The following DNAH3 variants were observed in gnomAD, a reference collection of about 807,000 sequenced individuals.
DNAH3 encodes the protein dynein axonemal heavy chain 3.
Under a neutral mutation model 432.5 loss-of-function variants are expected in DNAH3, and 332 were observed. That is an observed-to-expected ratio of 0.77 (90% CI 0.70 to 0.84). The LOEUF is 0.84. Ranked by LOEUF, DNAH3 falls within the 40% of genes least tolerant of loss-of-function variation. The pLI, the probability that DNAH3 is intolerant of heterozygous loss-of-function variation, is 0.00. For missense variants in DNAH3, 4,861 were observed against 5,114.0 expected (o/e 0.95, Z 1.51); for synonymous variants, 1,956 against 1,900.2 (o/e 1.03, Z -0.76).
exon 53 of DNAH3, chr16:20,963,874 G>A (rs530510705): frequency 2.5e-5 from 41 of 1,614,084 alleles, no homozygotes; most frequent in African/African-American, 1.6e-4. Context: ...CTCGCTCTTC[G>A]TGCTGTGGGT....
Position 21,033,854 on chromosome 16 carries a change from T to C in DNAH3, c.5197+120A>G, listed in dbSNP as rs2089020297. 4.7e-6 allele frequency: 3 copies of C among 636,454 alleles called. No individual in the cohort carries two copies. In the South Asian group the frequency reaches 5.8e-5, roughly 12 times the overall value. 39.4% of individuals were successfully genotyped at this position (636,454 alleles called of 1,614,324 possible). ...AGACATCTGTGTGCCATGTTCTATT[T>C]CTAGCTCTGACGTCACGATCGAGGC... On this transcript the variant is annotated intron_variant, in intron 36 of 61. Transcript: ENST00000261383.
exon 13 of DNAH3, chr16:21,112,047 C>G (rs1490159559): frequency 2.5e-6 from 4 of 1,613,794 alleles, no homozygotes; most frequent in Non-Finnish European, 3.4e-6. Context: ...CGATGTTTTG[C>G]TCTGCCGTGT....
Position 21,125,095 on chromosome 16 carries a change from C to T in DNAH3, c.1404+80G>A, listed in dbSNP as rs1010704526. On this transcript the variant is annotated intron_variant, in intron 9 of 61. Transcript: ENST00000261383. The stretch of plus-strand genomic sequence containing the variant: ...TTGTGCCCTGGCTCACAGCTGAGGA[C>T]GTACATGACAGAGTCCTGGCTCTAA... The T allele has an allele frequency of 6.3e-5, 75 of 1,187,200 alleles. 3 individuals are homozygous for T. Among genetic ancestry groups the T allele is most frequent in the South Asian group, 1.8e-5 (1 of 54,168 alleles). 73.5% of individuals were successfully genotyped at this position (1,187,200 alleles called of 1,614,324 possible).
intron 9 of DNAH3, among the ~76,000 whole-genome samples, chr16:21,123,021 G>A (rs759995482): frequency 3.9e-5 from 6 of 151,922 alleles, no homozygotes; most frequent in Non-Finnish European, 7.4e-5. Context: ...TAAAGTTGAG[G>A]GCAGGATCTA....
At chr16:21,004,452 C>A (rs910358560) in intron 41 of DNAH3, among the ~76,000 whole-genome samples, 62 of 152,192 alleles carry the variant, frequency 4.1e-4, no homozygotes, top group African/African-American at 1.5e-3. Context: ...ACTGCAACCT[C>A]CGCCTCCCGA....
intron 44 of DNAH3, among the ~76,000 whole-genome samples, chr16:20,994,838 A>T (rs1318393427): frequency 6.6e-6 from 1 of 151,152 alleles, no homozygotes; most frequent in African/African-American, 2.4e-5. Flanking sequence ...ATGTTGTAAC[A>T]TGTCTTTTTT....
At chr16:21,157,863 CGAT>C (rs2092909552) in intron 1 of DNAH3, among the ~76,000 whole-genome samples, 1 of 148,622 alleles carries the variant, frequency 6.7e-6, no homozygotes, top group Non-Finnish European at 1.5e-5. Context: ...CACCTCGGGA[CGAT>C]GGGGCCTTCC....
rs183254502 is a variant in DNAH3 at position 21,108,013 on chromosome 16, G to A, written c.2100-1339C>T. On this transcript the variant is annotated intron_variant, in intron 14 of 61. Coordinates refer to ENST00000261383, the Ensembl canonical transcript of DNAH3. ...CCTAGTAGCTGGGATTACAGGCACC[G>A]CCCCCACCCACCACCACACCCGGCT... is the stretch of plus-strand genomic sequence containing the variant. Among the ~76,000 whole-genome samples the A allele has an allele frequency of 4.6e-3, 694 of 151,636 alleles. 2 individuals are homozygous for A. The highest frequency in any genetic ancestry group is 0.016 in the African/African-American group (661 of 41,342).
At chr16:21,086,589 G>T (rs1246821803) in intron 19 of DNAH3, among the ~76,000 whole-genome samples, 1 of 152,178 alleles carries the variant, frequency 6.6e-6, no homozygotes, top group Non-Finnish European at 1.5e-5. Context: ...GAGACCCTTT[G>T]TGGTCATTGG....
At chr16:21,117,008 A>G (rs543944589) in intron 12 of DNAH3, among the ~76,000 whole-genome samples, 195 bp downstream of exon 12, 2 of 152,332 alleles carry the variant, frequency 1.3e-5, no homozygotes, top group East Asian at 3.9e-4. Flanking sequence ...ACTATTTGCT[A>G]TGTAACACTG....
At chr16:21,028,192 T>C (rs2088669175) in intron 37 of DNAH3, among the ~76,000 whole-genome samples, 2 of 152,058 alleles carry the variant, frequency 1.3e-5, no homozygotes, top group Non-Finnish European at 1.5e-5. Flanking sequence ...ATTAAATCAA[T>C]GTTTCCATAA....
At chr16:21,102,451 G>A (rs2091859553) in intron 16 of DNAH3, among the ~76,000 whole-genome samples, 1 of 152,178 alleles carries the variant, frequency 6.6e-6, no homozygotes, top group Admixed American at 6.5e-5. Flanking sequence ...CCTGTTCAAA[G>A]GGAGAAGGAA....
chr16:21,060,647 C>T lies in DNAH3; in HGVS notation c.3721-291G>A, dbSNP rs556367157. On this transcript the variant is annotated intron_variant, in intron 25 of 61. Transcript: ENST00000261383. The stretch of plus-strand genomic sequence containing the variant: ...TCAAGCGATTCTCCTGCCTCAGCCT[C>T]CCGAGTAGCTGGGATTACAGGCGTG... Among the ~76,000 whole-genome samples, 6 of 150,968 alleles carry T rather than the reference C, an allele frequency of 4.0e-5. No individual in the cohort carries two copies. In the East Asian group the frequency reaches 7.8e-4, roughly 20 times the overall value.
intron 6 of DNAH3, among the ~76,000 whole-genome samples, chr16:21,135,341 TAAGA>T (rs1005104042): frequency 6.6e-6 from 1 of 152,190 alleles, no homozygotes; most frequent in Non-Finnish European, 1.5e-5. Context: ...TTTTCCATAC[TAAGA>T]AAGGTTGGTA....
chr16:21,106,526 G>A lies in DNAH3; in HGVS notation c.2248C>T (p.Arg750Trp), dbSNP rs751827171. 5.7e-5 allele frequency: 92 copies of A among 1,611,160 alleles called. No individual in the cohort carries two copies. Among genetic ancestry groups the A allele is most frequent in the African/African-American group, 1.1e-4 (8 of 74,872 alleles). The change falls in exon 15 of 62, where the codon CGG becomes TGG. Residue 750 changes from arginine to tryptophan, a missense_variant. By Grantham distance (101) the Arg-to-Trp change is moderately radical. Coordinates refer to ENST00000261383, the Ensembl canonical transcript of DNAH3. ...GCATAGTCCATCAGGAACTCCAGCC[G>A]TTCACTTGCATCTCTAAGTTGCCTC... is the stretch of plus-strand genomic sequence containing the variant.
At chr16:21,038,136 A>G (rs1293746859) in intron 33 of DNAH3, among the ~76,000 whole-genome samples, 156 bp from the exon 34 acceptor site, 2 of 152,200 alleles carry the variant, frequency 1.3e-5, no homozygotes, top group Non-Finnish European at 2.9e-5. Flanking sequence ...TAATAGAGTT[A>G]CCATAATGTG....
chr16:20,969,436 C>G (rs1247827346), intron 52 of DNAH3, among the ~76,000 whole-genome samples: 1 of 152,188 alleles, frequency 6.6e-6, no homozygotes, highest in African/African-American at 2.4e-5. Flanking sequence ...TTCTCTCTCT[C>G]TCTCTCTCTG....
In DNAH3 at chr16:21,069,406, A is replaced by C; in HGVS notation, c.3381+9T>G. The C allele has an allele frequency of 1.2e-6, 2 of 1,612,394 alleles. No homozygotes were observed. The highest frequency in any genetic ancestry group is 1.7e-6 in the Non-Finnish European group (2 of 1,179,368). The stretch of plus-strand genomic sequence containing the variant: ...TGCTGGTAAGAGTTATTAGGGTATA[A>C]AAACTTACCGCTTGGGACATAAGTG... On this transcript the variant is annotated intron_variant, in intron 23 of 61. Transcript: ENST00000261383.
chr16:21,031,398 G>T, intron 36 of DNAH3, 112 bp from the exon 37 acceptor site: 1 of 1,344,930 alleles, frequency 7.4e-7, no homozygotes, highest in East Asian at 2.4e-5. Flanking sequence ...TGCCATATGA[G>T]GGAAGTCCTT....
Sources: allele counts gnomAD v4.1 joint callset (sites outside exome capture counted in the v4.1 genomes callset), GRCh38; gene constraint gnomAD v4.1.1; transcripts MANE v1.5; gene names NCBI Gene and HGNC (gene_info 2026-07-23, HGNC 2026-07-21).